The following TFCP2 variants were observed in gnomAD, a reference collection of about 807,000 sequenced individuals.
TFCP2 encodes the protein alpha-globin transcription factor CP2.
TFCP2 carries 33 observed loss-of-function variants against 73.4 expected under a neutral mutation model. The observed-to-expected ratio is 0.45, with a 90% CI of 0.34 to 0.60. TFCP2 has a LOEUF of 0.60. Ranked by LOEUF, TFCP2 falls within the 20% of genes least tolerant of loss-of-function variation. TFCP2 has a pLI of 0.01. For synonymous variants in TFCP2, 193 were observed against 211.6 expected (o/e 0.91, Z 0.76); for missense variants, 352 against 604.0 (o/e 0.58, Z 4.37).
At chr12:51,148,303 G>T (rs1019331594) in intron 1 of TFCP2, among the ~76,000 whole-genome samples, 2 of 152,190 alleles carry the variant, frequency 1.3e-5, no homozygotes, top group Non-Finnish European at 2.9e-5. Flanking sequence ...CAGAGGAAAA[G>T]AAGTCATTAT....
chr12:51,124,647 G>A (rs766494506), intron 1 of TFCP2: 10 of 570,868 alleles, frequency 1.8e-5, no homozygotes, highest in Middle Eastern at 2.7e-4. Flanking sequence ...GAGAGCCTCC[G>A]CGGCTTCCAA....
At chr12:51,118,578 C>T (rs1940588957) in intron 2 of TFCP2, 43 bp downstream of exon 2, 1 of 1,593,588 alleles carries the variant, frequency 6.3e-7, no homozygotes, top group South Asian at 1.1e-5. Context: ...ATCATAAATA[C>T]AGTAGGTCTG....
Position 51,109,108 on chromosome 12 carries a change from T to C in TFCP2, c.717+13A>G. 6.2e-7 allele frequency: 1 copy of C among 1,613,472 alleles called. No homozygotes were observed. Among genetic ancestry groups the C allele is most frequent in the Non-Finnish European group, 8.5e-7 (1 of 1,179,524 alleles). On this transcript the variant is annotated intron_variant, in intron 6 of 14. Transcript: ENST00000257915. ...TAAAAGAATCCAAGGGCCAGCACAT[T>C]GCCCAGGAATACCTTGAAAACTTTG...
At chr12:51,140,665 T>C (rs1941172623) in intron 1 of TFCP2, among the ~76,000 whole-genome samples, 1 of 151,604 alleles carries the variant, frequency 6.6e-6, no homozygotes, top group African/African-American at 2.4e-5. Context: ...CTATCATAGC[T>C]CACTGCCACC....
chr12:51,133,191 CAG>C (rs1366668825), intron 1 of TFCP2, among the ~76,000 whole-genome samples: 2 of 151,376 alleles, frequency 1.3e-5, no homozygotes, highest in African/African-American at 2.4e-5. Context: ...GAAAAAATAA[CAG>C]AGCACAAAAC....
chr12:51,097,937 A>T (rs944694892), intron 13 of TFCP2, among the ~76,000 whole-genome samples: 2 of 151,498 alleles, frequency 1.3e-5, no homozygotes, highest in Admixed American at 6.6e-5. Context: ...AATTGCTTGA[A>T]CCTAGGAGGC....
chr12:51,144,519 C>G (rs1193390900), intron 1 of TFCP2, among the ~76,000 whole-genome samples: 1 of 151,970 alleles, frequency 6.6e-6, no homozygotes, highest in Non-Finnish European at 1.5e-5. Flanking sequence ...ATAAACTGAC[C>G]CCACATATAT....
chr12:51,121,531 TCTCGGCTCAC>T (rs1940673865), intron 1 of TFCP2, among the ~76,000 whole-genome samples: 1 of 144,708 alleles, frequency 6.9e-6, no homozygotes, highest in South Asian at 2.4e-4. Context: ...AGTGGCACGA[TCTCGGCTCAC>T]TGCAACCTCC....
chr12:51,141,878 C>A (rs1347961171), intron 1 of TFCP2, among the ~76,000 whole-genome samples: 1 of 147,236 alleles, frequency 6.8e-6, no homozygotes, highest in East Asian at 2.0e-4. Flanking sequence ...TGCACTCCAG[C>A]CTGAGTGACA....
At chr12:51,100,227 T>C (rs1415037105) in intron 11 of TFCP2, among the ~76,000 whole-genome samples, 2 of 152,220 alleles carry the variant, frequency 1.3e-5, no homozygotes. Context: ...CACCGTCTAA[T>C]GGGTCAGGTT....
At chr12:51,113,321 A>T (rs1940445550) in intron 4 of TFCP2, among the ~76,000 whole-genome samples, 1 of 152,246 alleles carries the variant, frequency 6.6e-6, no homozygotes, top group South Asian at 2.1e-4. Context: ...TAGAAATCAG[A>T]GAGGCAGACA....
intron 1 of TFCP2, among the ~76,000 whole-genome samples, chr12:51,147,485 T>C (rs1941323344): frequency 6.6e-6 from 1 of 151,198 alleles, no homozygotes; most frequent in South Asian, 2.1e-4. Flanking sequence ...AAATGGAAAC[T>C]ACTATGAACA....
chr12:51,133,198 C>T (rs1319596588), intron 1 of TFCP2, among the ~76,000 whole-genome samples: 2 of 151,774 alleles, frequency 1.3e-5, no homozygotes, highest in Non-Finnish European at 2.9e-5. Context: ...TAACAGAGCA[C>T]AAAACCACCT....
intron 1 of TFCP2, among the ~76,000 whole-genome samples, chr12:51,122,358 A>C (rs1245775142): frequency 1.4e-5 from 2 of 147,374 alleles, no homozygotes. Context: ...TCCTGGGTTC[A>C]AGTGATTCTC....
chr12:51,130,204 G>A (rs1432844364), intron 1 of TFCP2, among the ~76,000 whole-genome samples: 2 of 152,184 alleles, frequency 1.3e-5, no homozygotes, highest in Non-Finnish European at 2.9e-5. Flanking sequence ...GGGCGCAGTG[G>A]CTCACGCCTA....
intron 1 of TFCP2, among the ~76,000 whole-genome samples, chr12:51,145,997 A>G (rs1031570570): frequency 2.0e-5 from 3 of 152,028 alleles, no homozygotes; most frequent in Non-Finnish European, 4.4e-5. Flanking sequence ...AGACACATAA[A>G]GAGAGGGAAA....
At chr12:51,105,889 G>T (rs773954071) in intron 8 of TFCP2, among the ~76,000 whole-genome samples, 2 of 152,156 alleles carry the variant, frequency 1.3e-5, no homozygotes, top group Non-Finnish European at 2.9e-5. Context: ...ATGGCTATGT[G>T]AAATACATGT....
chr12:51,111,396 T>C (rs1940396226), intron 4 of TFCP2, among the ~76,000 whole-genome samples: 1 of 152,146 alleles, frequency 6.6e-6, no homozygotes, highest in African/African-American at 2.4e-5. Context: ...TCCACCCACC[T>C]TGGCCTCCTA....
At chr12:51,096,166 G>T in intron 13 of TFCP2, 126 bp from the exon 14 acceptor site, 1 of 677,496 alleles carries the variant, frequency 1.5e-6, no homozygotes, top group Non-Finnish European at 2.4e-6. Context: ...CACAAATAAT[G>T]TATTTCTTGA....
Sources: allele counts gnomAD v4.1 joint callset (sites outside exome capture counted in the v4.1 genomes callset), GRCh38; gene constraint gnomAD v4.1.1; transcripts MANE v1.5; gene names NCBI Gene and HGNC (gene_info 2026-07-23, HGNC 2026-07-21).